BCKDHB: variants seen among roughly 807,000 people sequenced by gnomAD.
BCKDHB encodes 2-oxoisovalerate dehydrogenase subunit beta, mitochondrial.
In BCKDHB, 41 loss-of-function variants were observed where a neutral mutation model predicts 48.5. The ratio of observed to expected loss-of-function variants is 0.85; its 90% CI spans 0.66 to 1.10. The LOEUF (loss-of-function observed/expected upper bound fraction) is 1.10, where lower values mean the gene tolerates loss of function less well. Ranked by LOEUF, BCKDHB falls within the 50% of genes least tolerant of loss-of-function variation. The pLI is 0.00. For missense variants in BCKDHB, 496 were observed against 494.2 expected, an observed-to-expected ratio of 1.00 and a Z score of -0.03; for synonymous variants, 201 against 174.8, an observed-to-expected ratio of 1.15 and a Z score of -1.18.
intron 1 of BCKDHB, among the ~76,000 whole-genome samples, chr6:80,107,375 T>G (rs1473924996): frequency 6.9e-6 from 1 of 145,702 alleles, no homozygotes; most frequent in African/African-American, 2.5e-5. Flanking sequence ...TAAAATCAAT[T>G]CAGTTACTCA....
intron 3 of BCKDHB, among the ~76,000 whole-genome samples, chr6:80,140,270 C>G (rs529718324): frequency 6.6e-6 from 1 of 152,348 alleles, no homozygotes; most frequent in African/African-American, 2.4e-5. Flanking sequence ...TTGACTTCCT[C>G]TTTTCCTAAT....
At chr6:80,358,274 G>C in the BCKDHB span, among the ~76,000 whole-genome samples, 1 of 152,044 alleles carries the variant, frequency 6.6e-6, no homozygotes, top group Non-Finnish European at 1.5e-5. Flanking sequence ...GTAGATATGT[G>C]TATACAGTAA....
intron 3 of BCKDHB, among the ~76,000 whole-genome samples, chr6:80,164,622 T>C (rs980014551): frequency 2.6e-5 from 4 of 152,218 alleles, no homozygotes; most frequent in African/African-American, 9.7e-5. Flanking sequence ...GTCTGTATAA[T>C]ATTAAGTAGT....
chr6:80,107,443 G>GTGTGTGTGTA (rs1049860565), intron 1 of BCKDHB, among the ~76,000 whole-genome samples: 2 of 138,692 alleles, frequency 1.4e-5, no homozygotes, highest in Admixed American at 1.4e-4. Flanking sequence ...GTGTGTGTGT[G>GTGTGTGTGTA]TGTATATATC....
At chr6:80,307,486 A>G (rs1409026020) in intron 9 of BCKDHB, 1 of 984,914 alleles carries the variant, frequency 1.0e-6, no homozygotes, top group East Asian at 1.1e-4. Context: ...TTTTTTTCAG[A>G]TATACCCCCA....
intron 3 of BCKDHB, among the ~76,000 whole-genome samples, chr6:80,150,126 A>T (rs1771697851): frequency 6.6e-6 from 1 of 151,984 alleles, no homozygotes; most frequent in Admixed American, 6.6e-5. Flanking sequence ...TGCCTTCCTT[A>T]TGCTGCTCTG....
chr6:80,390,498 G>A, the BCKDHB span, among the ~76,000 whole-genome samples: 5 of 152,190 alleles, frequency 3.3e-5, no homozygotes, highest in South Asian at 6.2e-4. Context: ...GTTTGTGCAT[G>A]TATACACTTG....
the BCKDHB span, among the ~76,000 whole-genome samples, chr6:80,409,565 G>T: frequency 1.0e-5 from 1 of 96,628 alleles, no homozygotes; most frequent in African/African-American, 3.9e-5. Flanking sequence ...GGGTGCTCTT[G>T]TATTGGTTGC....
At chr6:80,192,656 G>C (rs148517800) in intron 6 of BCKDHB, among the ~76,000 whole-genome samples, 1 of 152,064 alleles carries the variant, frequency 6.6e-6, no homozygotes, top group African/African-American at 2.4e-5. Context: ...AATGTGTTGT[G>C]TGTTAAATAT....
chr6:80,362,266 C>T, the BCKDHB span, among the ~76,000 whole-genome samples: 24 of 152,214 alleles, frequency 1.6e-4, no homozygotes, highest in Admixed American at 3.3e-4. Flanking sequence ...TGACTCAAAG[C>T]GACACTGTTG....
chr6:80,288,403 T>A (rs1562205075), intron 9 of BCKDHB, among the ~76,000 whole-genome samples: 1 of 152,144 alleles, frequency 6.6e-6, no homozygotes, highest in Non-Finnish European at 1.5e-5. Flanking sequence ...TAAAAATTTG[T>A]TTAATGGCAT....
chr6:80,126,683 G>C (rs1770358542), intron 1 of BCKDHB, among the ~76,000 whole-genome samples: 1 of 152,138 alleles, frequency 6.6e-6, no homozygotes, highest in African/African-American at 2.4e-5. Context: ...TAATTTTGCA[G>C]AGGAGTTGAC....
chr6:80,216,368 A>G (rs1350005799), intron 8 of BCKDHB, among the ~76,000 whole-genome samples: 1 of 152,222 alleles, frequency 6.6e-6, no homozygotes, highest in African/African-American at 2.4e-5. Context: ...CCTTTATAAT[A>G]TAAAGATATG....
intron 3 of BCKDHB, among the ~76,000 whole-genome samples, chr6:80,149,795 A>G (rs1182370122): frequency 2.3e-5 from 3 of 131,756 alleles, no homozygotes; most frequent in Non-Finnish European, 3.1e-5. Context: ...ACATGGACAC[A>G]GGAAGGGGAA....
chr6:80,238,176 C>T (rs1157155711), intron 8 of BCKDHB, among the ~76,000 whole-genome samples: 1 of 152,220 alleles, frequency 6.6e-6, no homozygotes, highest in African/African-American at 2.4e-5. Context: ...TGGCTTATAG[C>T]AACCTCCGCC....
the BCKDHB span, among the ~76,000 whole-genome samples, chr6:80,405,984 G>A: frequency 6.7e-5 from 10 of 150,084 alleles, no homozygotes; most frequent in East Asian, 2.0e-4. Context: ...CCAGGCCCCC[G>A]CCCCCACCAG....
At chr6:80,428,737 A>G in the BCKDHB span, among the ~76,000 whole-genome samples, 1 of 151,844 alleles carries the variant, frequency 6.6e-6, no homozygotes, top group Non-Finnish European at 1.5e-5. Flanking sequence ...TTTCTTGTAA[A>G]TTTGTTTAAG....
chr6:80,370,325 G>C, the BCKDHB span, among the ~76,000 whole-genome samples: 4 of 152,210 alleles, frequency 2.6e-5, no homozygotes, highest in Non-Finnish European at 5.9e-5. Context: ...CATCTATTCA[G>C]AAGACTTGTG....
chr6:80,229,045 G>A (rs1346223418), intron 8 of BCKDHB, among the ~76,000 whole-genome samples: 3 of 152,112 alleles, frequency 2.0e-5, no homozygotes, highest in Non-Finnish European at 2.9e-5. Flanking sequence ...AGGCATTCTC[G>A]TTAAAACTGT....
Sources: allele counts gnomAD v4.1 joint callset (sites outside exome capture counted in the v4.1 genomes callset), GRCh38; gene constraint gnomAD v4.1.1; transcripts MANE v1.5; gene names NCBI Gene and HGNC (gene_info 2026-07-23, HGNC 2026-07-21).